The following IQSEC1 variants were observed in gnomAD, a reference collection of about 807,000 sequenced individuals.
IQSEC1 encodes the protein IQ motif and SEC7 domain-containing protein 1.
A neutral mutation model predicts 91.0 loss-of-function variants in IQSEC1; 31 were observed. That is an observed-to-expected ratio of 0.34 (90% CI 0.26 to 0.46). The LOEUF is 0.46. Among genes scored for constraint, IQSEC1 ranks in the 20% least tolerant of loss-of-function variants. The pLI, the probability that IQSEC1 is intolerant of heterozygous loss-of-function variation, is 1.00. For synonymous variants in IQSEC1, 699 were observed against 662.6 expected (o/e 1.05, Z -0.84); for missense variants, 1,388 against 1,575.6 (o/e 0.88, Z 2.02).
intron 1 of IQSEC1, among the ~76,000 whole-genome samples, chr3:13,188,956 A>G (rs1693976555): frequency 2.0e-5 from 3 of 149,146 alleles, no homozygotes; most frequent in Admixed American, 6.6e-5. Context: ...GTTTCCACTC[A>G]CTTCAAGCCT....
Position 12,899,171 on chromosome 3 carries a change from T to G in IQSEC1, c.*1812A>C. ...ATGATATGACCGAGGGTGGGAGGGA[T>G]GTGAGGAGGGAAATCGGCAAAACCC... On this transcript the variant is annotated 3_prime_UTR_variant, in exon 14 of 14. Coordinates refer to ENST00000613206, the MANE Select transcript of IQSEC1 (RefSeq NM_001134382.3). 2 of 581,858 alleles carry G rather than the reference T, an allele frequency of 3.4e-6. No homozygotes were observed. Among genetic ancestry groups the G allele is most frequent in the Non-Finnish European group, 3.1e-6 (1 of 323,320 alleles). The allele number at this position is 581,858 out of a possible 1,614,324, so 36.0% of individuals were successfully genotyped here. A position where few individuals can be genotyped will look rare whatever the true frequency, so the allele number is the denominator to read the frequency against.
At chr3:13,075,823 G>A (rs965701091), upstream of IQSEC1, among the ~76,000 whole-genome samples, 5 of 152,198 alleles carry the variant, frequency 3.3e-5, no homozygotes, top group African/African-American at 7.2e-5. Context: ...TCCAAAAAGC[G>A]TGGAGCTGGG....
intron 1 of IQSEC1, among the ~76,000 whole-genome samples, chr3:12,944,525 A>C (rs974293266): frequency 1.3e-5 from 2 of 151,986 alleles, no homozygotes; most frequent in East Asian, 3.9e-4. Context: ...CCCAGAGCCC[A>C]CGCCTCTGCT....
At chr3:12,949,056 C>T (rs1000160238) in intron 1 of IQSEC1, among the ~76,000 whole-genome samples, 1 of 152,234 alleles carries the variant, frequency 6.6e-6, no homozygotes, top group African/African-American at 2.4e-5. Context: ...ACCACCGTCG[C>T]TGGGAGGTAG....
At position 13,193,678 on chromosome 3, in the gene IQSEC1, T is replaced by C. The variant is rs1305820909; in HGVS notation, c.273-29545A>G. Among the ~76,000 whole-genome samples the C allele has an allele frequency of 6.6e-6, 1 of 152,166 alleles. No individual in the cohort carries two copies. Among genetic ancestry groups the C allele is most frequent in the African/African-American group, 2.4e-5 (1 of 41,444 alleles). On this transcript the variant is annotated intron_variant, in intron 1 of 15. Coordinates refer to the IQSEC1 transcript ENST00000648114. This position sits in a 1 kb window ranked among gnomAD's most constrained non-coding sequence, Gnocchi z 4.2. The stretch of plus-strand genomic sequence containing the variant: ...CACTTAAGATGCGGGAAAGAGGCAG[T>C]TGGAGACCAAAGGCTGATGTCAGAG...
chr3:13,053,908 T>TG (rs1704784927), intron 1 of IQSEC1, among the ~76,000 whole-genome samples: 2 of 152,240 alleles, frequency 1.3e-5, no homozygotes, highest in Admixed American at 1.3e-4. Flanking sequence ...TCCAACTCCC[T>TG]GGGGATACCC....
intron 10 of IQSEC1, among the ~76,000 whole-genome samples, chr3:12,910,231 C>T (rs1695436635): frequency 6.6e-6 from 1 of 152,240 alleles, no homozygotes; most frequent in African/African-American, 2.4e-5. Flanking sequence ...GGGCCTGCCT[C>T]CCAGGCTGTC....
In IQSEC1 at chr3:13,057,859, A is replaced by T. The variant is rs569224305; in HGVS notation, c.23+15133T>A. On this transcript the variant is annotated intron_variant, in intron 1 of 13. Transcript: ENST00000613206. ...ACCCACTCCCCCACCCCATGCCTGCACTCAGCAACTACATGAAAGGAAAAT... is the reference window on the plus strand; with the variant it reads ...ACCCACTCCCCCACCCCATGCCTGCTCTCAGCAACTACATGAAAGGAAAAT... Among the ~76,000 whole-genome samples the T allele has an allele frequency of 2.3e-3, 351 of 152,314 alleles. 2 individuals carry two copies. Among genetic ancestry groups the T allele is most frequent in the Middle Eastern group, 6.8e-3 (2 of 294 alleles).
chr3:12,958,280 G>T (rs1700040686), intron 1 of IQSEC1, among the ~76,000 whole-genome samples: 2 of 152,190 alleles, frequency 1.3e-5, no homozygotes, highest in African/African-American at 4.8e-5. Context: ...TGAAGGCTGG[G>T]GGTAGGAAAC....
intron 2 of IQSEC1, among the ~76,000 whole-genome samples, chr3:13,082,072 A>G (rs2600209): frequency 0.72 from 109,243 of 152,080 alleles, 39,353 homozygotes; most frequent in South Asian, 0.78. Context: ...GAGTGGAAGC[A>G]GTGGCCCCCG....
chr3:13,275,296 G>A (rs1361703668), intron 1 of IQSEC1, among the ~76,000 whole-genome samples: 4 of 152,128 alleles, frequency 2.6e-5, no homozygotes, highest in African/African-American at 4.8e-5. Flanking sequence ...TGTGGATCTC[G>A]CCTCATCCAA....
chr3:13,191,034 G>A (rs893121631), intron 1 of IQSEC1, among the ~76,000 whole-genome samples: 6 of 152,160 alleles, frequency 3.9e-5, no homozygotes, highest in Admixed American at 2.0e-4. Context: ...TGCCATGGCC[G>A]TCCTGTGGGC....
At chr3:13,227,125 C>T (rs1350367829) in intron 1 of IQSEC1, among the ~76,000 whole-genome samples, 2 of 151,748 alleles carry the variant, frequency 1.3e-5, no homozygotes, top group African/African-American at 4.8e-5. Flanking sequence ...CCTGTAATCC[C>T]AGCACTTTGG....
At chr3:12,993,827 CG>C (rs1354864228) in intron 1 of IQSEC1, among the ~76,000 whole-genome samples, 1 of 152,156 alleles carries the variant, frequency 6.6e-6, no homozygotes, top group Non-Finnish European at 1.5e-5. Flanking sequence ...CACAACCCTG[CG>C]GCCGGTGCGG....
intron 2 of IQSEC1, among the ~76,000 whole-genome samples, chr3:13,145,887 G>A (rs1328979535): frequency 2.0e-5 from 3 of 152,048 alleles, no homozygotes; most frequent in African/African-American, 7.2e-5. Flanking sequence ...TCCTGGCGTG[G>A]GGCAGGCAGG....
intron 1 of IQSEC1, among the ~76,000 whole-genome samples, chr3:13,253,483 C>A (rs1695234976): frequency 2.0e-5 from 3 of 152,174 alleles, no homozygotes; most frequent in Admixed American, 1.3e-4. Flanking sequence ...AGAGCTCACA[C>A]CAAGGCTGAA....
chr3:13,015,679 C>G (rs1703092922), intron 1 of IQSEC1: 1 of 985,196 alleles, frequency 1.0e-6, no homozygotes, highest in African/African-American at 1.7e-5. Flanking sequence ...CACAGCAGGT[C>G]CTGACGTCTG....
intron 1 of IQSEC1, among the ~76,000 whole-genome samples, chr3:13,185,546 G>A (rs1693916567): frequency 6.6e-6 from 1 of 152,188 alleles, no homozygotes; most frequent in South Asian, 2.1e-4. Context: ...CGTGACAATG[G>A]CCAAAACAGC....
Position 12,992,956 on chromosome 3 carries a change from G to T in IQSEC1, c.24-51091C>A, listed in dbSNP as rs1559705264. On this transcript the variant is annotated intron_variant, in intron 1 of 13. Transcript: ENST00000613206. The surrounding 1 kb of genome is among the most constrained non-coding windows in gnomAD (Gnocchi z 4.1). ...CCACCCTGCCTGCTTAGAGCCCAAG[G>T]GCAGGTGGTTTTGTAGCGGGAGGTT... 6.6e-6 allele frequency among the ~76,000 whole-genome samples: 1 copy of T among 152,152 alleles called. No homozygotes were observed. Among genetic ancestry groups the T allele is most frequent in the Non-Finnish European group, 1.5e-5 (1 of 68,016 alleles).
Sources: allele counts gnomAD v4.1 joint callset (sites outside exome capture counted in the v4.1 genomes callset), GRCh38; gene constraint gnomAD v4.1.1; non-coding constraint Gnocchi (gnomAD v3.1); transcripts MANE v1.5; gene names NCBI Gene and HGNC (gene_info 2026-07-23, HGNC 2026-07-21).